The following TECRL variants were observed in gnomAD, a reference collection of about 807,000 sequenced individuals.
The protein encoded by TECRL is trans-2,3-enoyl-CoA reductase-like.
TECRL carries 63 observed loss-of-function variants against 52.8 expected under a neutral mutation model. That is an observed-to-expected ratio of 1.19 (90% confidence interval 0.97 to 1.47). The LOEUF (loss-of-function observed/expected upper bound fraction) is 1.47, where lower values mean the gene tolerates loss of function less well. Ranked by LOEUF, TECRL falls within the 40% of genes most tolerant of loss-of-function variation. The pLI is 0.00. For missense variants in TECRL, 482 were observed against 429.6 expected (o/e 1.12, Z -1.08); for synonymous variants, 164 against 141.9 (o/e 1.16, Z -1.10).
chr4:64,290,122 G>A (rs73823569), intron 8 of TECRL, among the ~76,000 whole-genome samples: 2,009 of 152,212 alleles, frequency 0.013, 51 homozygotes, highest in African/African-American at 0.046. Flanking sequence ...GCATAGCTTC[G>A]TATTAATCTC....
chr4:64,277,139 G>A, downstream of TECRL: 2 of 880,548 alleles, frequency 2.3e-6, no homozygotes, highest in East Asian at 2.7e-5. Context: ...AACAGTAAGG[G>A]AATAACTGAT....
At chr4:64,402,528 C>A (rs1441841210) in intron 1 of TECRL, among the ~76,000 whole-genome samples, 1 of 151,870 alleles carries the variant, frequency 6.6e-6, no homozygotes, top group Non-Finnish European at 1.5e-5. Context: ...TTATAGGAGA[C>A]CCTAAGTGGC....
intron 2 of TECRL, among the ~76,000 whole-genome samples, chr4:64,345,666 G>A (rs1317119319): frequency 6.6e-6 from 1 of 151,354 alleles, no homozygotes; most frequent in African/African-American, 2.4e-5. Context: ...TAACCTGCAT[G>A]TTGTGCACAT....
chr4:64,407,754 C>G (rs1724826727), intron 1 of TECRL, among the ~76,000 whole-genome samples: 1 of 151,130 alleles, frequency 6.6e-6, no homozygotes, highest in Non-Finnish European at 1.5e-5. Flanking sequence ...ACATTAGCAA[C>G]TTCTGAAGAG....
At chr4:64,331,756 T>C (rs920151604) in intron 2 of TECRL, among the ~76,000 whole-genome samples, 1 of 152,058 alleles carries the variant, frequency 6.6e-6, no homozygotes, top group Non-Finnish European at 1.5e-5. Flanking sequence ...AGTGTAGTCA[T>C]GCAGAACAAA....
intron 7 of TECRL, chr4:64,304,830 T>C (rs1172229971): frequency 1.2e-5 from 2 of 161,826 alleles, no homozygotes. Flanking sequence ...ATGTTTATCA[T>C]TTACTTGTAA....
chr4:64,305,457 G>A (rs1724274450), intron 6 of TECRL, among the ~76,000 whole-genome samples: 1 of 152,122 alleles, frequency 6.6e-6, no homozygotes, highest in South Asian at 2.1e-4. Context: ...GAACCAGGTA[G>A]GGGCTGGTTA....
chr4:64,325,130 G>A (rs1009134103), intron 3 of TECRL, among the ~76,000 whole-genome samples: 5 of 152,140 alleles, frequency 3.3e-5, no homozygotes, highest in African/African-American at 1.2e-4. Flanking sequence ...CAAGGATACA[G>A]GTGGCCTTTG....
At chr4:64,307,364 AG>A (rs1724401374) in intron 6 of TECRL, among the ~76,000 whole-genome samples, 1 of 152,168 alleles carries the variant, frequency 6.6e-6, no homozygotes, top group Non-Finnish European at 1.5e-5. Context: ...GGTGCAGCAT[AG>A]GTAAGTGTGA....
At chr4:64,373,356 T>C (rs1722115748) in intron 2 of TECRL, among the ~76,000 whole-genome samples, 1 of 151,818 alleles carries the variant, frequency 6.6e-6, no homozygotes, top group South Asian at 2.1e-4. Context: ...ATATAACTAT[T>C]GAAACTAACT....
intron 1 of TECRL, among the ~76,000 whole-genome samples, chr4:64,401,834 T>C (rs1388083908): frequency 6.6e-6 from 1 of 152,180 alleles, no homozygotes; most frequent in Non-Finnish European, 1.5e-5. Flanking sequence ...ATTCATTCAA[T>C]CTTGATTTAA....
At chr4:64,281,150 G>T in intron 10 of TECRL, 64 bp from the exon 11 acceptor site, 1 of 1,274,768 alleles carries the variant, frequency 7.8e-7, no homozygotes, top group Non-Finnish European at 1.1e-6. Context: ...TTCATTTGTG[G>T]CTTTAACAGG....
At chr4:64,340,211 C>G (rs1220938310) in intron 2 of TECRL, among the ~76,000 whole-genome samples, 1 of 152,160 alleles carries the variant, frequency 6.6e-6, no homozygotes, top group African/African-American at 2.4e-5. Context: ...TAAGTAGGGG[C>G]AGGAGTTCCC....
At chr4:64,305,427 C>T (rs932031176) in intron 6 of TECRL, among the ~76,000 whole-genome samples, 189 bp from the exon 7 acceptor site, 1 of 151,902 alleles carries the variant, frequency 6.6e-6, no homozygotes, top group Non-Finnish European at 1.5e-5. Flanking sequence ...ATTACTTTGC[C>T]CAATGTAATA....
At chr4:64,343,322 C>A (rs1008089356) in intron 2 of TECRL, among the ~76,000 whole-genome samples, 1 of 151,952 alleles carries the variant, frequency 6.6e-6, no homozygotes, top group Admixed American at 6.6e-5. Context: ...CAAAATGATA[C>A]CGTGCTCAAA....
Position 64,390,332 on chromosome 4 carries a change from G to A in TECRL, c.235-15109C>T, listed in dbSNP as rs1049397088. On this transcript the variant is annotated intron_variant, in intron 1 of 11. Coordinates refer to ENST00000381210, the MANE Select transcript of TECRL (RefSeq NM_001010874.5). ...CCCTCTCTGGGCATTTCTCTCAGAG[G>A]GAATGTTTTATATCTTCAACATGTC... is the stretch of plus-strand genomic sequence containing the variant. Among the ~76,000 whole-genome samples the A allele has an allele frequency of 4.2e-4, 64 of 151,922 alleles. 2 individuals carry two copies. Among genetic ancestry groups the A allele is most frequent in the African/African-American group, 1.5e-3 (62 of 41,504 alleles).
intron 1 of TECRL, among the ~76,000 whole-genome samples, chr4:64,394,993 A>G (rs1405293072): frequency 4.7e-5 from 7 of 148,548 alleles, no homozygotes. Flanking sequence ...GCTCACCACA[A>G]CCTTTGTCTC....
intron 1 of TECRL, among the ~76,000 whole-genome samples, chr4:64,408,774 G>T (rs77206395): frequency 1.3e-5 from 2 of 151,818 alleles, no homozygotes; most frequent in African/African-American, 4.8e-5. Context: ...TGAAGTACAC[G>T]AAGACAAAAA....
At chr4:64,396,214 A>G (rs951940198) in intron 1 of TECRL, among the ~76,000 whole-genome samples, 1 of 152,146 alleles carries the variant, frequency 6.6e-6, no homozygotes, top group Non-Finnish European at 1.5e-5. Flanking sequence ...GCTGAATGGT[A>G]GTTCTGCTTT....
Sources: allele counts gnomAD v4.1 joint callset (sites outside exome capture counted in the v4.1 genomes callset), GRCh38; gene constraint gnomAD v4.1.1; transcripts MANE v1.5; gene names NCBI Gene and HGNC (gene_info 2026-07-23, HGNC 2026-07-21).